FGF13: variants seen among roughly 807,000 people sequenced by gnomAD.
FGF13 encodes fibroblast growth factor homologous factor 2.
A neutral mutation model predicts 19.5 loss-of-function variants in FGF13; 2 were observed. That is an observed-to-expected ratio of 0.10 (90% CI 0.04 to 0.32). The LOEUF (loss-of-function observed/expected upper bound fraction) is 0.32. Among genes scored for constraint, FGF13 ranks in the 10% least tolerant of loss-of-function variants. The pLI is 1.00. For synonymous variants in FGF13, 72 were observed against 76.9 expected, an observed-to-expected ratio of 0.94 and a Z score of 0.33; for missense variants, 113 against 192.7, an observed-to-expected ratio of 0.59 and a Z score of 2.45.
chrX:138,822,010 T>C (rs1443918904), intron 3 of FGF13, among the ~76,000 whole-genome samples: 1 of 111,815 alleles, frequency 8.9e-6, no homozygotes, highest in African/African-American at 3.2e-5. Context: ...GATGATGACA[T>C]GATATGATTA....
intron 1 of FGF13, among the ~76,000 whole-genome samples, chrX:139,037,242 T>A (rs1461504373): frequency 9.0e-6 from 1 of 111,410 alleles, no homozygotes; most frequent in Non-Finnish European, 1.9e-5. Flanking sequence ...GTGATAACTA[T>A]AGGCAAGACT....
intron 1 of FGF13, among the ~76,000 whole-genome samples, chrX:139,100,745 A>G (rs964903503): frequency 8.9e-6 from 1 of 111,736 alleles, no homozygotes; most frequent in African/African-American, 3.3e-5. Flanking sequence ...GCCAAGCATC[A>G]CATTCAAGAA....
intron 3 of FGF13, among the ~76,000 whole-genome samples, chrX:138,844,104 C>A (rs1482337270): frequency 8.9e-6 from 1 of 112,141 alleles, no homozygotes; most frequent in African/African-American, 3.2e-5. Context: ...CAAAAGTGCA[C>A]GTTTGTAAAG....
At chrX:138,852,206 G>GA (rs1230266695) in intron 3 of FGF13, among the ~76,000 whole-genome samples, 2 of 111,528 alleles carry the variant, frequency 1.8e-5, no homozygotes, top group African/African-American at 3.3e-5. Flanking sequence ...CACAGAATTA[G>GA]AAAAAAACAA....
intron 3 of FGF13, among the ~76,000 whole-genome samples, chrX:138,828,320 G>A (rs1371114077): frequency 1.8e-5 from 2 of 110,533 alleles, no homozygotes; most frequent in Non-Finnish European, 1.9e-5. Context: ...TGTAATCCCA[G>A]CACTTTGGGA....
At chrX:139,151,444 C>T (rs2083933766) in intron 1 of FGF13, among the ~76,000 whole-genome samples, 1 of 111,698 alleles carries the variant, frequency 9.0e-6, no homozygotes, top group African/African-American at 3.3e-5. Flanking sequence ...CATTATTCAG[C>T]CCATTATTAA....
intron 1 of FGF13, among the ~76,000 whole-genome samples, chrX:139,024,215 A>AT (rs1368094300): frequency 8.1e-5 from 9 of 111,329 alleles, no homozygotes; most frequent in Non-Finnish European, 1.3e-4. Context: ...CCTGTAAGCC[A>AT]TTTTTTTAAA....
intron 1 of FGF13, among the ~76,000 whole-genome samples, chrX:138,888,888 A>G (rs2091463729): frequency 8.9e-6 from 1 of 111,796 alleles, no homozygotes; most frequent in African/African-American, 3.3e-5. Flanking sequence ...TTCTTCTGAT[A>G]TCTTTGTCCA....
chrX:139,068,306 C>T (rs1416194702), intron 1 of FGF13, among the ~76,000 whole-genome samples: 4 of 102,031 alleles, frequency 3.9e-5, no homozygotes, highest in Non-Finnish European at 5.8e-5. Context: ...AGATATGCTG[C>T]GTTATTTCTG....
At position 139,075,913 on chromosome X, in the gene FGF13, G is replaced by A. The variant is rs1357499605; in HGVS notation, c.-113+127503C>T. 7.9e-4 allele frequency among the ~76,000 whole-genome samples: 11 copies of A among 13,905 alleles called. 4 individuals carry two copies. The highest frequency in any genetic ancestry group is 1.3e-3 in the Non-Finnish European group (10 of 7,919). 12.1% of individuals were successfully genotyped at this position (13,905 alleles called of 115,157 possible). A position where few individuals can be genotyped will look rare whatever the true frequency, so the allele number is the denominator to read the frequency against. ...TGCGGACTGCAGTGGCGCAATCTCG[G>A]CTCACTGCAAGCTCCGCTTCCCGGG... On this transcript the variant is annotated intron_variant, in intron 1 of 2. Coordinates refer to the FGF13 transcript ENST00000421460.
In FGF13 at chrX:139,068,678, G is replaced by A. The variant is rs767916123; in HGVS notation, c.-113+134738C>T. Among the ~76,000 whole-genome samples the A allele has an allele frequency of 1.9e-4, 20 of 107,967 alleles. No homozygotes were observed. The East Asian group carries it at 5.9e-3, about 32-fold the overall frequency. 93.8% of individuals were successfully genotyped at this position (107,967 alleles called of 115,157 possible). ...TTATTTCCTTGAGCAGTGGTTTGTA[G>A]TTCTCCTTGAAGAGGTCCTTCACAT... On this transcript the variant is annotated intron_variant, in intron 1 of 2. Coordinates refer to the FGF13 transcript ENST00000421460.
intron 1 of FGF13, among the ~76,000 whole-genome samples, chrX:139,108,178 G>A (rs2083573130): frequency 8.9e-6 from 1 of 112,095 alleles, no homozygotes; most frequent in Non-Finnish European, 1.9e-5. Context: ...AGTAAGGTAC[G>A]GATTTCTTGT....
chrX:138,781,550 T>G (rs1411785879), intron 3 of FGF13, among the ~76,000 whole-genome samples: 1 of 109,990 alleles, frequency 9.1e-6, no homozygotes, highest in Non-Finnish European at 1.9e-5. Context: ...TCTACGCAAA[T>G]AAACTAGAAA....
chrX:139,014,945 A>G (rs1292688828), intron 1 of FGF13, among the ~76,000 whole-genome samples: 1 of 111,754 alleles, frequency 8.9e-6, no homozygotes, highest in African/African-American at 3.2e-5. Context: ...ACATCATATC[A>G]ACAGAATGAA....
At chrX:139,185,618 G>A (rs1242689305) in intron 1 of FGF13, among the ~76,000 whole-genome samples, 1 of 111,482 alleles carries the variant, frequency 9.0e-6, no homozygotes, top group East Asian at 2.8e-4. Flanking sequence ...GCTGGTGTGG[G>A]GTAGAGTTAG....
intron 1 of FGF13, among the ~76,000 whole-genome samples, chrX:139,157,906 C>A (rs997048685): frequency 8.9e-6 from 1 of 112,038 alleles, no homozygotes; most frequent in Non-Finnish European, 1.9e-5. Context: ...ACTGAGGTAC[C>A]CAGCTCATCT....
At chrX:138,997,088 G>T (rs1250905757) in intron 1 of FGF13, among the ~76,000 whole-genome samples, 1 of 112,234 alleles carries the variant, frequency 8.9e-6, no homozygotes, top group African/African-American at 3.2e-5. Flanking sequence ...CAGCTGAGGA[G>T]CCTGACTGTT....
intron 3 of FGF13, among the ~76,000 whole-genome samples, chrX:138,695,101 C>T (rs937859907): frequency 9.2e-6 from 1 of 108,858 alleles, no homozygotes; most frequent in African/African-American, 3.3e-5. Context: ...TCAAAATTAA[C>T]GTCCAATGAG....
intron 1 of FGF13, among the ~76,000 whole-genome samples, chrX:139,039,506 G>A (rs1318936432): frequency 9.0e-6 from 1 of 111,684 alleles, no homozygotes; most frequent in Non-Finnish European, 1.9e-5. Flanking sequence ...TATAACCAGA[G>A]GAGAAGGAAA....
Sources: gnomAD v4.1 joint callset for allele counts (sites outside exome capture counted in the v4.1 genomes callset) on GRCh38, gnomAD v4.1.1 for gene constraint, MANE v1.5 for transcripts, NCBI Gene and HGNC (gene_info 2026-07-23, HGNC 2026-07-21) for gene names.